RXFP1: variants seen among roughly 807,000 people sequenced by gnomAD.
RXFP1 encodes relaxin receptor 1.
In RXFP1, 73 loss-of-function variants were observed where a neutral mutation model predicts 89.8. The ratio of observed to expected loss-of-function variants is 0.81; its 90% CI spans 0.67 to 0.99. The LOEUF is 0.99. Among genes scored for constraint, RXFP1 ranks in the 50% least tolerant of loss-of-function variants. The pLI, the probability that RXFP1 is intolerant of heterozygous loss-of-function variation, is 0.00. For synonymous variants in RXFP1, 277 were observed against 305.5 expected, an observed-to-expected ratio of 0.91 and a Z score of 0.97; for missense variants, 793 against 895.5, an observed-to-expected ratio of 0.89 and a Z score of 1.46.
At chr4:158,614,440 T>G (rs1407207404) in intron 8 of RXFP1, among the ~76,000 whole-genome samples, 1 of 152,240 alleles carries the variant, frequency 6.6e-6, no homozygotes, top group African/African-American at 2.4e-5. Context: ...TAGCTAGATC[T>G]TCTGGATAAC....
intron 1 of RXFP1, among the ~76,000 whole-genome samples, chr4:158,537,277 A>G (rs972536565): frequency 3.3e-5 from 5 of 151,950 alleles, no homozygotes; most frequent in African/African-American, 9.7e-5. Flanking sequence ...TTCTCTTCTT[A>G]TCTCTCTTTC....
At chr4:158,612,068 C>G in intron 6 of RXFP1, 62 bp from the exon 7 acceptor site, 2 of 1,335,444 alleles carry the variant, frequency 1.5e-6, no homozygotes, top group South Asian at 1.3e-5. Context: ...ATTGTTTTTA[C>G]TTTTCTTATT....
chr4:158,576,628 A>C (rs181695729), intron 2 of RXFP1, among the ~76,000 whole-genome samples: 28 of 152,258 alleles, frequency 1.8e-4, no homozygotes, highest in Admixed American at 1.8e-3. Context: ...GATACATTAG[A>C]ATCAAGTTTT....
chr4:158,641,219 G>T lies in RXFP1; in HGVS notation c.1115+1888G>T, dbSNP rs1217408210. Reference sequence around the variant, plus strand: ...AGAACAGAATTTATTGGAAGAAAATGGTATAACACAGAATCTGAGGAATAA... The same window carrying T: ...AGAACAGAATTTATTGGAAGAAAATTGTATAACACAGAATCTGAGGAATAA... On this transcript the variant is annotated intron_variant, in intron 14 of 17. Coordinates refer to ENST00000307765, the MANE Select transcript of RXFP1 (RefSeq NM_021634.4). Among the ~76,000 whole-genome samples, 5 of 152,218 alleles carry T rather than the reference G, an allele frequency of 3.3e-5. No individual in the cohort carries two copies. In the East Asian group the frequency reaches 5.8e-4, roughly 18 times the overall value.
intron 5 of RXFP1, among the ~76,000 whole-genome samples, chr4:158,606,797 C>G (rs192844706): frequency 2.0e-5 from 3 of 151,392 alleles, no homozygotes; most frequent in Admixed American, 6.6e-5. Context: ...TGTTGCCCTG[C>G]CTGGCTGGTC....
At chr4:158,535,865 C>G (rs1745162587) in intron 1 of RXFP1, among the ~76,000 whole-genome samples, 1 of 152,222 alleles carries the variant, frequency 6.6e-6, no homozygotes, top group South Asian at 2.1e-4. Context: ...GTTTTCCACA[C>G]TTCCTATTTC....
chr4:158,534,133 T>G (rs1017043003), intron 1 of RXFP1, among the ~76,000 whole-genome samples: 1 of 152,200 alleles, frequency 6.6e-6, no homozygotes, highest in African/African-American at 2.4e-5. Context: ...CCTACACCAC[T>G]TTTAAATTTA....
intron 1 of RXFP1, among the ~76,000 whole-genome samples, chr4:158,560,942 G>C (rs778888709): frequency 6.4e-4 from 98 of 152,338 alleles, no homozygotes; most frequent in Non-Finnish European, 1.1e-3. Flanking sequence ...CAGCAAGAGA[G>C]AAGGGTTTTG....
intron 2 of RXFP1, 137 bp from the exon 3 acceptor site, chr4:158,593,264 G>T: frequency 6.7e-6 from 3 of 450,788 alleles, no homozygotes. Flanking sequence ...CACGTTTATA[G>T]CAAGTTTCCA....
At chr4:158,651,688 A>T in intron 17 of RXFP1, 69 bp from the exon 18 acceptor site, 1 of 1,240,548 alleles carries the variant, frequency 8.1e-7, no homozygotes, top group Non-Finnish European at 1.1e-6. Flanking sequence ...TGAAAGAAAC[A>T]GGGAAATTGG....
chr4:158,581,513 A>G (rs1053259573), intron 2 of RXFP1, among the ~76,000 whole-genome samples: 3 of 152,242 alleles, frequency 2.0e-5, no homozygotes. Flanking sequence ...TTGGTTTTAA[A>G]AAGGTAAATT....
chr4:158,556,655 TC>T (rs1751379204), intron 1 of RXFP1, among the ~76,000 whole-genome samples: 2 of 152,160 alleles, frequency 1.3e-5, no homozygotes, highest in Admixed American at 1.3e-4. Flanking sequence ...GGGTGAGGAA[TC>T]AACCTAAGTC....
At chr4:158,524,888 TAGA>T (rs981861325) in intron 1 of RXFP1, among the ~76,000 whole-genome samples, 10 of 152,136 alleles carry the variant, frequency 6.6e-5, no homozygotes, top group Non-Finnish European at 1.0e-4. Context: ...ATATAGGAAA[TAGA>T]AGGAGTTCAA....
intron 1 of RXFP1, among the ~76,000 whole-genome samples, chr4:158,554,581 T>A (rs1750858403): frequency 6.6e-6 from 1 of 152,206 alleles, no homozygotes; most frequent in African/African-American, 2.4e-5. Flanking sequence ...TTTTTCAAAT[T>A]GTTTAACTGG....
At chr4:158,629,401 C>T (rs927473995) in intron 11 of RXFP1, among the ~76,000 whole-genome samples, 1 of 152,104 alleles carries the variant, frequency 6.6e-6, no homozygotes, top group African/African-American at 2.4e-5. Context: ...GATAATATTC[C>T]TACCTATAAT....
chr4:158,576,319 G>C lies in RXFP1; in HGVS notation c.187+3484G>C, dbSNP rs139085121. ...CTCACACCTGTAATCCCAGCACTTT[G>C]AGAGGCCAAAGTGGGAGGATTGCTT... On this transcript the variant is annotated intron_variant, in intron 2 of 17. Coordinates refer to ENST00000307765, the MANE Select transcript of RXFP1 (RefSeq NM_021634.4). Among the ~76,000 whole-genome samples, 1,341 of 152,126 alleles carry C rather than the reference G, an allele frequency of 8.8e-3. 15 individuals are homozygous for C. Among genetic ancestry groups the C allele is most frequent in the African/African-American group, 0.03 (1,233 of 41,482 alleles).
chr4:158,649,895 C>A (rs942570865), intron 17 of RXFP1, among the ~76,000 whole-genome samples: 5 of 152,316 alleles, frequency 3.3e-5, no homozygotes, highest in Non-Finnish European at 4.4e-5. Flanking sequence ...AAGGAAAAAA[C>A]CAAAACAATT....
At chr4:158,521,750 A>C, upstream of RXFP1, 1 of 517,764 alleles carries the variant, frequency 1.9e-6, no homozygotes, top group Non-Finnish European at 3.4e-6. Context: ...GGACATTTAG[A>C]GAAGGAGGGC....
intron 2 of RXFP1, among the ~76,000 whole-genome samples, chr4:158,580,929 C>T (rs1333649896): frequency 6.6e-6 from 1 of 152,130 alleles, no homozygotes; most frequent in Non-Finnish European, 1.5e-5. Context: ...TTCTGAGTAG[C>T]TGGTATTACA....
Sources: gnomAD v4.1 joint callset for allele counts (sites outside exome capture counted in the v4.1 genomes callset) on GRCh38, gnomAD v4.1.1 for gene constraint, MANE v1.5 for transcripts, NCBI Gene and HGNC (gene_info 2026-07-23, HGNC 2026-07-21) for gene names.